DTX2: variants seen among roughly 807,000 people sequenced by gnomAD.
DTX2 encodes the protein probable E3 ubiquitin-protein ligase DTX2.
Under a neutral mutation model 55.3 loss-of-function variants are expected in DTX2, and 29 were observed. The observed-to-expected ratio is 0.52, with a 90% CI of 0.39 to 0.71. The LOEUF (loss-of-function observed/expected upper bound fraction) is 0.71. Ranked by LOEUF, DTX2 falls within the 30% of genes least tolerant of loss-of-function variation. The pLI, the probability that DTX2 is intolerant of heterozygous loss-of-function variation, is 0.00. For missense variants in DTX2, 537 were observed against 822.5 expected, an observed-to-expected ratio of 0.65 and a Z score of 4.25; for synonymous variants, 276 against 340.4, an observed-to-expected ratio of 0.81 and a Z score of 2.08.
chr7:76,480,023 G>A (rs1305497800), intron 2 of DTX2, among the ~76,000 whole-genome samples: 2 of 135,208 alleles, frequency 1.5e-5, no homozygotes, highest in East Asian at 2.2e-4. Flanking sequence ...AAAAGCAAGC[G>A]TGAGACCAGG....
intron 6 of DTX2, among the ~76,000 whole-genome samples, chr7:76,498,394 C>T (rs1443129251): frequency 3.0e-4 from 45 of 151,744 alleles, no homozygotes; most frequent in Non-Finnish European, 3.7e-4. Flanking sequence ...CCTTCCCCTG[C>T]CCTGGGGGAG....
chr7:76,505,779 A>G lies in DTX2; in HGVS notation c.*178A>G, dbSNP rs746680101. 1.3e-5 allele frequency: 9 copies of G among 691,798 alleles called. No homozygotes were observed. Among genetic ancestry groups the G allele is most frequent in the Admixed American group, 1.1e-4 (4 of 37,606 alleles). The allele number at this position is 691,798 out of a possible 1,614,324, so 42.9% of individuals were successfully genotyped here. On this transcript the variant is annotated 3_prime_UTR_variant, in exon 11 of 11. Transcript: ENST00000430490. This position sits in a 1 kb window ranked among gnomAD's most constrained non-coding sequence, Gnocchi z 4.4. ...CTCTCTCTCCTCCTCCCCTCTGGGAATTGGGCAGCCCTGGGCAGTTGTACT... is the reference window on the plus strand; with the variant it reads ...CTCTCTCTCCTCCTCCCCTCTGGGAGTTGGGCAGCCCTGGGCAGTTGTACT...
At chr7:76,468,176 G>T (rs1807390829) in intron 2 of DTX2, among the ~76,000 whole-genome samples, 1 of 152,290 alleles carries the variant, frequency 6.6e-6, no homozygotes, top group Non-Finnish European at 1.5e-5. Flanking sequence ...CTTCCCAGGG[G>T]CGGGTGCTGT....
At chr7:76,476,478 G>C (rs924586159) in intron 2 of DTX2, among the ~76,000 whole-genome samples, 1 of 152,062 alleles carries the variant, frequency 6.6e-6, no homozygotes, top group African/African-American at 2.4e-5. Context: ...TGCAGCCCCA[G>C]CTCTGCCCTC....
intron 4 of DTX2, among the ~76,000 whole-genome samples, chr7:76,490,103 G>A (rs1393182222): frequency 1.1e-5 from 1 of 88,448 alleles, no homozygotes; most frequent in African/African-American, 5.1e-5. Context: ...CAAGGCAGGC[G>A]GATTACGAAG....
At position 76,490,333 on chromosome 7, in the gene DTX2, C is replaced by G. The variant is rs1269475516; in HGVS notation, c.909-1820C>G. ...GAGCGAGACTCCGTCCCCTCACCCC[C>G]CCAAAAAAAGAAAATTACCACTGGT... is the stretch of plus-strand genomic sequence containing the variant. On this transcript the variant is annotated intron_variant, in intron 4 of 10. Coordinates refer to ENST00000430490, the MANE Select transcript of DTX2 (RefSeq NM_001102594.3). Among the ~76,000 whole-genome samples, 3 of 84,854 alleles carry G rather than the reference C, an allele frequency of 3.5e-5. 1 individual carries two copies. The highest frequency in any genetic ancestry group is 3.4e-4 in the Admixed American group (3 of 8,836). 55.7% of individuals were successfully genotyped at this position (84,854 alleles called of 152,430 possible).
chr7:76,498,884 G>A (rs1472958610), intron 6 of DTX2, among the ~76,000 whole-genome samples: 1 of 89,752 alleles, frequency 1.1e-5, no homozygotes, highest in Non-Finnish European at 2.1e-5. Flanking sequence ...GTGTGGAGGT[G>A]TGGGGTGTAT....
intron 2 of DTX2, chr7:76,478,685 T>TA (rs1404191614): frequency 1.9e-5 from 2 of 102,992 alleles, no homozygotes; most frequent in East Asian, 4.3e-4. Flanking sequence ...AACACTGGCA[T>TA]TGCAGGTGTG....
At chr7:76,486,842 G>A (rs374530870) in intron 4 of DTX2, among the ~76,000 whole-genome samples, 1 of 51,830 alleles carries the variant, frequency 1.9e-5, no homozygotes, top group East Asian at 3.5e-4. Context: ...TTTCTGTTGT[G>A]GTGGGCTGCT....
At position 76,505,904 on chromosome 7, in the gene DTX2, T is replaced by C; in HGVS notation, c.*303T>C. ...TGCTCGGGGCCTGGTGTGGGGCGAGTAGAGACTTCCCCAGCCTGGACGGGC... is the reference window on the plus strand; with the variant it reads ...TGCTCGGGGCCTGGTGTGGGGCGAGCAGAGACTTCCCCAGCCTGGACGGGC... On this transcript the variant is annotated 3_prime_UTR_variant, in exon 11 of 11. Coordinates refer to ENST00000430490, the MANE Select transcript of DTX2 (RefSeq NM_001102594.3). This position sits in a 1 kb window ranked among gnomAD's most constrained non-coding sequence, Gnocchi z 4.4. 1.8e-6 allele frequency: 1 copy of C among 542,218 alleles called. No individual in the cohort carries two copies. The highest frequency in any genetic ancestry group is 3.1e-5 in the East Asian group (1 of 31,750). 33.6% of individuals were successfully genotyped at this position (542,218 alleles called of 1,614,324 possible).
rs1812292980 is a variant in DTX2, at chr7:76,505,878, GT to G, written c.*278del. 1 of 571,726 alleles carries G rather than the reference GT, an allele frequency of 1.7e-6. No individual in the cohort carries two copies. Among genetic ancestry groups the G allele is most frequent in the Admixed American group, 3.1e-5 (1 of 32,100 alleles). The allele number at this position is 571,726 out of a possible 1,614,324, so 35.4% of individuals were successfully genotyped here. ...CTCTGGGGGCTGCTTCGGGCCCGCG[GT>G]GCTCGGGGCCTGGTGTGGGGCGAGT... is the stretch of plus-strand genomic sequence containing the variant. On this transcript the variant is annotated 3_prime_UTR_variant, in exon 11 of 11. Coordinates refer to ENST00000430490, the MANE Select transcript of DTX2 (RefSeq NM_001102594.3). The surrounding 1 kb of genome is among the most constrained non-coding windows in gnomAD (Gnocchi z 4.4).
In DTX2 at chr7:76,479,402, C is replaced by G. The variant is rs1459263948; in HGVS notation, c.-89-1019C>G. Among the ~76,000 whole-genome samples the G allele has an allele frequency of 6.3e-5, 7 of 110,698 alleles. 1 individual carries two copies. The highest frequency in any genetic ancestry group is 2.4e-4 in the African/African-American group (7 of 28,628). The allele number at this position is 110,698 out of a possible 152,430, so 72.6% of individuals were successfully genotyped here. ...GCTTCCTTTTTGGTTAGCAATGCTTCAGGGCACCTGGGAGACATGAGGAGC... is the reference window on the plus strand; with the variant it reads ...GCTTCCTTTTTGGTTAGCAATGCTTGAGGGCACCTGGGAGACATGAGGAGC... On this transcript the variant is annotated intron_variant, in intron 2 of 10. Coordinates refer to ENST00000430490, the MANE Select transcript of DTX2 (RefSeq NM_001102594.3).
chr7:76,469,416 G>A (rs2462302), intron 2 of DTX2, among the ~76,000 whole-genome samples: 11,303 of 76,154 alleles, frequency 0.15, 76 homozygotes, highest in East Asian at 0.22. Flanking sequence ...TTTTTGAGAC[G>A]GATTCTCATT....
chr7:76,474,768 C>A (rs1208783662), intron 2 of DTX2: 3 of 152,004 alleles, frequency 2.0e-5, no homozygotes, highest in Non-Finnish European at 4.4e-5. Flanking sequence ...CACTCAAATT[C>A]TTGTGCCAGT....
At chr7:76,491,035 T>C (rs1373945970) in intron 4 of DTX2, among the ~76,000 whole-genome samples, 3 of 131,594 alleles carry the variant, frequency 2.3e-5, no homozygotes, top group Non-Finnish European at 4.7e-5. Flanking sequence ...TTCTCTCTGT[T>C]GCCCAGGCTG....
intron 4 of DTX2, among the ~76,000 whole-genome samples, chr7:76,491,829 A>G (rs949478939): frequency 2.4e-5 from 3 of 125,532 alleles, no homozygotes; most frequent in African/African-American, 9.4e-5. Flanking sequence ...GCGCACCACC[A>G]CACTTGGCAG....
At position 76,503,627 on chromosome 7, in the gene DTX2, T is replaced by C. The variant is rs766618118; in HGVS notation, c.1551+40T>C. The C allele has an allele frequency of 8.3e-6, 13 of 1,567,814 alleles. No homozygotes were observed. In the South Asian group the frequency reaches 1.5e-4, roughly 18 times the overall value. On this transcript the variant is annotated intron_variant, in intron 9 of 10. Coordinates refer to ENST00000430490, the MANE Select transcript of DTX2 (RefSeq NM_001102594.3). ...TGAGTCCCCCACTCCTGGCCACTCC[T>C]CTTCCCACCCCGCCCACATCCCAGC...
At chr7:76,467,932 C>T (rs1243982417) in intron 2 of DTX2, among the ~76,000 whole-genome samples, 1 of 152,298 alleles carries the variant, frequency 6.6e-6, no homozygotes, top group African/African-American at 2.4e-5. Context: ...GCCCTGGGCA[C>T]TGCCAGGAGG....
intron 4 of DTX2, among the ~76,000 whole-genome samples, chr7:76,484,686 T>C (rs1406613152): frequency 6.6e-6 from 1 of 152,148 alleles, no homozygotes; most frequent in African/African-American, 2.4e-5. Flanking sequence ...CGCAGCCACG[T>C]CAAGGGCTGA....
Sources: gnomAD v4.1 joint callset for allele counts (sites outside exome capture counted in the v4.1 genomes callset) on GRCh38, gnomAD v4.1.1 for gene constraint, Gnocchi (gnomAD v3.1) non-coding constraint, MANE v1.5 for transcripts, NCBI Gene and HGNC (gene_info 2026-07-23, HGNC 2026-07-21) for gene names.